CACNG3: variants seen among roughly 807,000 people sequenced by gnomAD.
CACNG3 encodes calcium voltage-gated channel auxiliary subunit gamma 3, also known as voltage-dependent calcium channel gamma-3 subunit.
A neutral mutation model predicts 28.5 loss-of-function variants in CACNG3; 3 were observed. The observed-to-expected ratio is 0.11, with a 90% CI of 0.05 to 0.27. The LOEUF is 0.27. Ranked by LOEUF, CACNG3 falls within the 10% of genes least tolerant of loss-of-function variation. The probability of loss-of-function intolerance (pLI) is 1.00; values close to 1 mark genes in which losing one functional copy is unlikely to be tolerated. For synonymous variants in CACNG3, 174 were observed against 162.2 expected (o/e 1.07, Z -0.55); for missense variants, 236 against 414.4 (o/e 0.57, Z 3.74).
intron 1 of CACNG3, among the ~76,000 whole-genome samples, chr16:24,312,417 C>T (rs180975507): frequency 6.2e-4 from 95 of 152,210 alleles, no homozygotes; most frequent in African/African-American, 2.2e-3. Flanking sequence ...TAGCTGTGCT[C>T]TTTAGCATAA....
chr16:24,292,380 G>A (rs1898978211), intron 1 of CACNG3, among the ~76,000 whole-genome samples: 2 of 152,166 alleles, frequency 1.3e-5, no homozygotes. Flanking sequence ...TTTGTTAAGT[G>A]AAATTACATA....
chr16:24,349,914 A>T (rs1203984569), intron 2 of CACNG3, among the ~76,000 whole-genome samples: 4 of 152,092 alleles, frequency 2.6e-5, no homozygotes, highest in Non-Finnish European at 4.4e-5. Flanking sequence ...GGTTCTGTTG[A>T]CTAGAGACTT....
chr16:24,263,811 T>C (rs924016382), intron 1 of CACNG3, among the ~76,000 whole-genome samples: 2 of 152,388 alleles, frequency 1.3e-5, no homozygotes, highest in South Asian at 4.1e-4. Context: ...TCTTGATTTA[T>C]GCATTTCTAC....
intron 1 of CACNG3, among the ~76,000 whole-genome samples, chr16:24,324,597 G>T (rs1899512718): frequency 6.6e-6 from 1 of 152,062 alleles, no homozygotes; most frequent in Non-Finnish European, 1.5e-5. Flanking sequence ...TCTCCATCTG[G>T]CAGCCTGAGG....
rs1304848603 is a variant in CACNG3, at chr16:24,362,011, C to T, written c.*148C>T. On this transcript the variant is annotated 3_prime_UTR_variant, in exon 4 of 4. Coordinates refer to ENST00000005284, the MANE Select transcript of CACNG3 (RefSeq NM_006539.4). ...TGGACTCAGCCCTCTCCCACATTTT[C>T]CCCTCACCCTCCAAGTCCTAACCCC... is the stretch of plus-strand genomic sequence containing the variant. 2 of 752,500 alleles carry T rather than the reference C, an allele frequency of 2.7e-6. No individual in the cohort carries two copies. The highest frequency in any genetic ancestry group is 4.1e-6 in the Non-Finnish European group (2 of 484,284). 46.6% of individuals were successfully genotyped at this position (752,500 alleles called of 1,614,324 possible).
chr16:24,264,259 G>A (rs145939185), intron 1 of CACNG3, among the ~76,000 whole-genome samples: 3 of 152,328 alleles, frequency 2.0e-5, no homozygotes, highest in African/African-American at 4.8e-5. Context: ...GTTAGCCCAC[G>A]CTCCGCTCAC....
intron 1 of CACNG3, among the ~76,000 whole-genome samples, chr16:24,337,272 C>T (rs957729471): frequency 3.9e-5 from 6 of 152,164 alleles, no homozygotes; most frequent in African/African-American, 1.4e-4. Context: ...GTCAGATAGG[C>T]ACCTGCTGAA....
chr16:24,297,197 A>G (rs1159098886), intron 1 of CACNG3, among the ~76,000 whole-genome samples: 4 of 150,574 alleles, frequency 2.7e-5, no homozygotes, highest in Non-Finnish European at 5.9e-5. Context: ...GCAGTGAGCT[A>G]TGATTGCACC....
intron 1 of CACNG3, among the ~76,000 whole-genome samples, chr16:24,260,607 T>C (rs1352497054): frequency 6.6e-6 from 1 of 152,244 alleles, no homozygotes; most frequent in East Asian, 1.9e-4. Context: ...CTGCTACTGG[T>C]ACAAACATTA....
Position 24,361,498 on chromosome 16 carries a change from G to A in CACNG3, c.583G>A (p.Val195Ile), listed in dbSNP as rs2141386854. Reference sequence around the variant, plus strand: ...CATCATCGCAGAAATTGTAGGAGTGGTTGCCGTGCACATCTATATTGAAAA... The same window carrying A: ...CATCATCGCAGAAATTGTAGGAGTGATTGCCGTGCACATCTATATTGAAAA... ...SFIIAEIVGV[V>I]AVHIYIEKHQ... Residue 195 changes from valine to isoleucine, a missense_variant, in exon 4 of 4, where the codon GTT becomes ATT. Physicochemically the swap from Val to Ile is conservative, Grantham distance 29 (BLOSUM62 3). Transcript: ENST00000005284. The surrounding 1 kb of genome is among the most constrained non-coding windows in gnomAD (Gnocchi z 6.8). The A allele has an allele frequency of 6.2e-7, 1 of 1,614,060 alleles. No individual in the cohort carries two copies. The highest frequency in any genetic ancestry group is 8.5e-7 in the Non-Finnish European group (1 of 1,180,000).
intron 1 of CACNG3, among the ~76,000 whole-genome samples, chr16:24,308,873 G>GA (rs1362145656): frequency 1.8e-4 from 18 of 101,932 alleles, no homozygotes. Context: ...AAAAAGAAAA[G>GA]AAAAAAGAAA....
chr16:24,329,181 G>C (rs1899600743), intron 1 of CACNG3, among the ~76,000 whole-genome samples: 1 of 152,178 alleles, frequency 6.6e-6, no homozygotes, highest in South Asian at 2.1e-4. Context: ...ATCCCAGTGT[G>C]GTGTTTGCTC....
At chr16:24,287,543 AAG>A (rs940228166) in intron 1 of CACNG3, among the ~76,000 whole-genome samples, 1 of 151,820 alleles carries the variant, frequency 6.6e-6, no homozygotes, top group African/African-American at 2.4e-5. Flanking sequence ...AAGGAAGAAA[AAG>A]AAAAAAAAAA....
chr16:24,312,955 G>GAAAAGAAAGAAAGAGAA (rs376780380), intron 1 of CACNG3, among the ~76,000 whole-genome samples: 2 of 110,806 alleles, frequency 1.8e-5, no homozygotes, highest in East Asian at 5.3e-4. Context: ...AAGAAAGAAA[G>GAAAAGAAAGAAAGAGAA]AGAAAGAAAG....
intron 1 of CACNG3, among the ~76,000 whole-genome samples, chr16:24,267,625 C>A (rs1401699066): frequency 6.6e-6 from 1 of 151,794 alleles, no homozygotes; most frequent in Admixed American, 6.6e-5. Context: ...TTAACAAACA[C>A]CTTCTATGTG....
rs138896089 is a variant in CACNG3, at chr16:24,302,874, G to A, written c.212-43860G>A. Among the ~76,000 whole-genome samples, 439 of 152,108 alleles carry A rather than the reference G, an allele frequency of 2.9e-3. 4 individuals are homozygous for A. Among genetic ancestry groups the A allele is most frequent in the Middle Eastern group, 6.8e-3 (2 of 294 alleles). On this transcript the variant is annotated intron_variant, in intron 1 of 3. Transcript: ENST00000005284. ...GGAGTTTCACCATGTTGGCCAGGCC[G>A]GTTTTGAATTCCTGGCCTCAAGTGA...
chr16:24,328,790 C>T (rs1899593648), intron 1 of CACNG3, among the ~76,000 whole-genome samples: 1 of 152,178 alleles, frequency 6.6e-6, no homozygotes, highest in South Asian at 2.1e-4. Context: ...AGTGCACCCA[C>T]ACAGAGTCAC....
At chr16:24,291,009 A>G (rs1377288452) in intron 1 of CACNG3, among the ~76,000 whole-genome samples, 1 of 152,128 alleles carries the variant, frequency 6.6e-6, no homozygotes, top group Non-Finnish European at 1.5e-5. Flanking sequence ...TGAAAGAAGG[A>G]TGGGTTGCAT....
chr16:24,274,186 C>CAAAAA (rs72368556), intron 1 of CACNG3, among the ~76,000 whole-genome samples: 4 of 103,552 alleles, frequency 3.9e-5, no homozygotes, highest in South Asian at 3.3e-4. Context: ...GACTCCATCT[C>CAAAAA]AAAAAAAAAA....
Sources: allele counts gnomAD v4.1 joint callset (sites outside exome capture counted in the v4.1 genomes callset), GRCh38; gene constraint gnomAD v4.1.1; non-coding constraint Gnocchi (gnomAD v3.1); transcripts MANE v1.5; gene names NCBI Gene and HGNC (gene_info 2026-07-23, HGNC 2026-07-21).